MGAT4C: variants seen among roughly 807,000 people sequenced by gnomAD.
MGAT4C encodes MGAT4 family member C.
MGAT4C carries 19 observed loss-of-function variants against 40.1 expected under a neutral mutation model. The ratio of observed to expected loss-of-function variants is 0.47; its 90% CI spans 0.33 to 0.70. The LOEUF is 0.70. MGAT4C is among the 30% of genes least tolerant of loss of function. The pLI is 0.02. For missense variants in MGAT4C, 491 were observed against 563.2 expected (o/e 0.87, Z 1.30); for synonymous variants, 181 against 187.1 (o/e 0.97, Z 0.27).
chr12:86,501,258 G>T (rs1958335157), intron 2 of MGAT4C, among the ~76,000 whole-genome samples: 1 of 151,894 alleles, frequency 6.6e-6, no homozygotes, highest in African/African-American at 2.4e-5. Flanking sequence ...GATAACAAAG[G>T]AAATTATCTT....
intron 2 of MGAT4C, among the ~76,000 whole-genome samples, chr12:86,697,226 G>C (rs1463738351): frequency 6.6e-6 from 1 of 151,944 alleles, no homozygotes; most frequent in Non-Finnish European, 1.5e-5. Flanking sequence ...CGCTAAAGTA[G>C]AGATTACATG....
intron 2 of MGAT4C, among the ~76,000 whole-genome samples, chr12:86,521,896 T>A (rs1474383925): frequency 6.6e-6 from 1 of 152,142 alleles, no homozygotes; most frequent in Admixed American, 6.6e-5. Context: ...CTGATTTGGC[T>A]ATTGGCTAGA....
At chr12:86,481,851 A>G (rs1592900269) in intron 2 of MGAT4C, among the ~76,000 whole-genome samples, 2 of 151,834 alleles carry the variant, frequency 1.3e-5, no homozygotes, top group South Asian at 4.1e-4. Flanking sequence ...TTCTGGCCTC[A>G]AGCAATTCTC....
At chr12:86,474,287 C>T (rs1228350621) in intron 2 of MGAT4C, among the ~76,000 whole-genome samples, 4 of 147,644 alleles carry the variant, frequency 2.7e-5, no homozygotes, top group African/African-American at 7.5e-5. Flanking sequence ...AACCAAACAC[C>T]GCATTTTCTC....
intron 2 of MGAT4C, among the ~76,000 whole-genome samples, chr12:86,718,340 A>G (rs1425998614): frequency 6.6e-6 from 1 of 152,168 alleles, no homozygotes; most frequent in Non-Finnish European, 1.5e-5. Flanking sequence ...GTAGCAATCA[A>G]TTATTTTGTT....
intron 2 of MGAT4C, among the ~76,000 whole-genome samples, chr12:86,589,092 C>G (rs1171730385): frequency 6.6e-6 from 1 of 151,022 alleles, no homozygotes; most frequent in Non-Finnish European, 1.5e-5. Context: ...AAAAACCCTT[C>G]AAAAAATTAA....
At chr12:86,588,999 A>T (rs879531230) in intron 2 of MGAT4C, among the ~76,000 whole-genome samples, 16 of 150,726 alleles carry the variant, frequency 1.1e-4, no homozygotes, top group Non-Finnish European at 1.9e-4. Context: ...AGAACTAGAA[A>T]AGCAAGAGCA....
intron 2 of MGAT4C, among the ~76,000 whole-genome samples, chr12:86,640,125 C>A (rs1221093110): frequency 6.6e-6 from 1 of 151,300 alleles, no homozygotes; most frequent in African/African-American, 2.4e-5. Context: ...CACATTGCAC[C>A]CCATAAATAT....
chr12:86,283,253 C>A (rs2136120244), intron 4 of MGAT4C, among the ~76,000 whole-genome samples: 1 of 151,994 alleles, frequency 6.6e-6, no homozygotes, highest in Non-Finnish European at 1.5e-5. Flanking sequence ...ACCTCTTGTA[C>A]TTCTCACATC....
At position 85,976,436 on chromosome 12, in the gene MGAT4C, A is replaced by G. The variant is rs943807129; in HGVS notation, c.*2853T>C. The G allele has an allele frequency of 3.3e-4, 50 of 150,850 alleles. 1 individual carries two copies. The highest frequency in any genetic ancestry group is 1.1e-3 in the African/African-American group (46 of 41,398). 9.3% of individuals were successfully genotyped at this position (150,850 alleles called of 1,614,324 possible). A position where few individuals can be genotyped will look rare whatever the true frequency, so the allele number is the denominator to read the frequency against. ...CAAGATACTTTTTTCTTTGATGTCC[A>G]TAACTGCTGAAAAGGCTCCCCTAAG... On this transcript the variant is annotated 3_prime_UTR_variant, in exon 5 of 5. Coordinates refer to ENST00000611864, the MANE Select transcript of MGAT4C (RefSeq NM_001351288.2).
intron 2 of MGAT4C, among the ~76,000 whole-genome samples, chr12:85,994,797 T>C (rs1348076086): frequency 6.6e-6 from 1 of 152,126 alleles, no homozygotes; most frequent in Non-Finnish European, 1.5e-5. Context: ...GCTCTCAAGA[T>C]TAGTGGAGAC....
chr12:86,566,691 TTATATGTATTA>T (rs920064299), intron 2 of MGAT4C, among the ~76,000 whole-genome samples: 2 of 146,012 alleles, frequency 1.4e-5, no homozygotes, highest in Admixed American at 1.4e-4. Flanking sequence ...TATGTATATA[TTATATGTATTA>T]TATATGTATT....
At chr12:86,812,778 C>T (rs916740561) in intron 1 of MGAT4C, among the ~76,000 whole-genome samples, 3 of 152,030 alleles carry the variant, frequency 2.0e-5, no homozygotes, top group African/African-American at 7.2e-5. Flanking sequence ...GAGACTGGGT[C>T]TCTTTTGTTG....
chr12:86,310,877 T>G (rs1954055754), intron 4 of MGAT4C, among the ~76,000 whole-genome samples: 1 of 152,054 alleles, frequency 6.6e-6, no homozygotes, highest in Non-Finnish European at 1.5e-5. Context: ...TGAGCCGAGA[T>G]CGCACCACCG....
chr12:85,994,640 C>CA (rs1315014130), intron 2 of MGAT4C, among the ~76,000 whole-genome samples: 6 of 151,202 alleles, frequency 4.0e-5, no homozygotes, highest in Admixed American at 2.0e-4. Context: ...AAAAAACAAA[C>CA]AAAAAACAAA....
At chr12:86,587,847 G>A (rs1961131596) in intron 2 of MGAT4C, among the ~76,000 whole-genome samples, 1 of 151,414 alleles carries the variant, frequency 6.6e-6, no homozygotes, top group Non-Finnish European at 1.5e-5. Context: ...GGAGATTTTG[G>A]GCTGAGACAA....
intron 2 of MGAT4C, among the ~76,000 whole-genome samples, chr12:86,565,105 T>C (rs557898740): frequency 3.3e-4 from 50 of 152,152 alleles, no homozygotes; most frequent in Non-Finnish European, 6.0e-4. Context: ...TGAATATGGG[T>C]CATCAAAGTC....
At chr12:86,535,388 C>A (rs1180736308) in intron 2 of MGAT4C, among the ~76,000 whole-genome samples, 1 of 151,920 alleles carries the variant, frequency 6.6e-6, no homozygotes, top group African/African-American at 2.4e-5. Flanking sequence ...TAGAGTAATG[C>A]AATGTCATGT....
chr12:86,772,885 C>A (rs1217458794), intron 1 of MGAT4C, among the ~76,000 whole-genome samples: 5 of 152,100 alleles, frequency 3.3e-5, no homozygotes, highest in African/African-American at 1.2e-4. Context: ...CAGGATGAAT[C>A]ATACCTGGAG....
Sources: gnomAD v4.1 joint callset for allele counts (sites outside exome capture counted in the v4.1 genomes callset) on GRCh38, gnomAD v4.1.1 for gene constraint, MANE v1.5 for transcripts, NCBI Gene and HGNC (gene_info 2026-07-23, HGNC 2026-07-21) for gene names.